Variants in C5AR2 observed in about 807,000 individuals in gnomAD.
C5AR2 encodes the protein complement C5a receptor 2.
For synonymous variants in C5AR2, 224 were observed against 216.5 expected, an observed-to-expected ratio of 1.03 and a Z score of -0.30; for missense variants, 458 against 467.5, an observed-to-expected ratio of 0.98 and a Z score of 0.19.
rs369814778 is a variant in C5AR2, at chr19:47,345,471, T to C, written c.*3658T>C. On this transcript the variant is annotated 3_prime_UTR_variant, in exon 2 of 2. Coordinates refer to ENST00000595464, the MANE Select transcript of C5AR2 (RefSeq NM_001271749.2). ...CCTCCGCCTCCCAGGTTCAAGCGATTCTCCTGCCTCAGCCTCCCCAGTAGC... is the reference window on the plus strand; with the variant it reads ...CCTCCGCCTCCCAGGTTCAAGCGATCCTCCTGCCTCAGCCTCCCCAGTAGC... 4.0e-5 allele frequency: 6 copies of C among 151,342 alleles called. No individual in the cohort carries two copies. Among genetic ancestry groups the C allele is most frequent in the African/African-American group, 1.5e-4 (6 of 40,942 alleles). 9.4% of individuals were successfully genotyped at this position (151,342 alleles called of 1,614,324 possible). A position where few individuals can be genotyped will look rare whatever the true frequency, so the allele number is the denominator to read the frequency against.
At position 47,344,600 on chromosome 19, in the gene C5AR2, A is replaced by G. The variant is rs1969092348; in HGVS notation, c.*2787A>G. ...TCCAATGCTCTTGCTCTTCATCATC[A>G]ATAATTTCCTTCAAGGCGTCCCTCA... On this transcript the variant is annotated 3_prime_UTR_variant, in exon 2 of 2. Transcript: ENST00000595464. 1 of 152,126 alleles carries G rather than the reference A, an allele frequency of 6.6e-6. No homozygotes were observed. Among genetic ancestry groups the G allele is most frequent in the South Asian group, 2.1e-4 (1 of 4,822 alleles). The allele number at this position is 152,126 out of a possible 1,614,324, so 9.4% of individuals were successfully genotyped here.
In C5AR2 at chr19:47,342,613, CCT is replaced by C. The variant is rs1969059426; in HGVS notation, c.*801_*802del. The C allele has an allele frequency of 3.3e-5, 5 of 151,848 alleles. No homozygotes were observed. Among genetic ancestry groups the C allele is most frequent in the African/African-American group, 1.2e-4 (5 of 41,360 alleles). 9.4% of individuals were successfully genotyped at this position (151,848 alleles called of 1,614,324 possible). A position where few individuals can be genotyped will look rare whatever the true frequency, so the allele number is the denominator to read the frequency against. On this transcript the variant is annotated 3_prime_UTR_variant, in exon 2 of 2. Coordinates refer to ENST00000595464, the MANE Select transcript of C5AR2 (RefSeq NM_001271749.2). ...AGCCAGGATGGTCTTGATCTCCTGACCTGGTGATCCACCCGCCTCAGCCTCCC... is the reference window on the plus strand; with the variant it reads ...AGCCAGGATGGTCTTGATCTCCTGACGGTGATCCACCCGCCTCAGCCTCCC...
Position 47,338,261 on chromosome 19 carries a change from C to T in C5AR2, c.-15-2524C>T, listed in dbSNP as rs961816122. On this transcript the variant is annotated intron_variant, in intron 1 of 1. Transcript: ENST00000595464. ...CTGCACTCCAGCGTTGGCAAGATGG[C>T]GAGACCCTGTCTCTAAAAAAAATAT... Among the ~76,000 whole-genome samples the T allele has an allele frequency of 9.0e-5, 8 of 88,496 alleles. No homozygotes were observed. In the East Asian group the frequency reaches 1.2e-3, roughly 14 times the overall value. 58.1% of individuals were successfully genotyped at this position (88,496 alleles called of 152,430 possible).
chr19:47,341,855 C>T lies in C5AR2; in HGVS notation c.*42C>T, dbSNP rs1969045119. On this transcript the variant is annotated 3_prime_UTR_variant, in exon 2 of 2. Coordinates refer to ENST00000595464, the MANE Select transcript of C5AR2 (RefSeq NM_001271749.2). This position sits in a 1 kb window ranked among gnomAD's most constrained non-coding sequence, Gnocchi z 4.6. The stretch of plus-strand genomic sequence containing the variant: ...GGGTGTGTATCTTCTTATCTCATTT[C>T]ACAAGACTGGCTTCAGGCATAGCTG... 4 of 1,572,494 alleles carry T rather than the reference C, an allele frequency of 2.5e-6. No individual in the cohort carries two copies. In the Admixed American group the frequency reaches 5.1e-5, roughly 20 times the overall value.
In C5AR2 at chr19:47,343,639, C is replaced by G. The variant is rs1969077261; in HGVS notation, c.*1826C>G. The G allele has an allele frequency of 6.6e-6, 1 of 152,016 alleles. No individual in the cohort carries two copies. The highest frequency in any genetic ancestry group is 2.4e-5 in the African/African-American group (1 of 41,392). 9.4% of individuals were successfully genotyped at this position (152,016 alleles called of 1,614,324 possible). ...TGGGCGACATAGCAAGACCCCATCT[C>G]TACAAAAAATACAAAAATTAGCCAG... On this transcript the variant is annotated 3_prime_UTR_variant, in exon 2 of 2. Coordinates refer to ENST00000595464, the MANE Select transcript of C5AR2 (RefSeq NM_001271749.2).
chr19:47,338,086 T>A (rs7256886), intron 1 of C5AR2, among the ~76,000 whole-genome samples: 4,310 of 148,924 alleles, frequency 0.029, 94 homozygotes, highest in African/African-American at 0.063. Flanking sequence ...AAAAAAAAAA[T>A]AAATAAAATA....
chr19:47,341,008 C>T lies in C5AR2; in HGVS notation c.209C>T (p.Ala70Val), dbSNP rs760573698. Residue 70 changes from alanine to valine, a missense_variant, in exon 2 of 2, where the codon GCC becomes GTC. By Grantham distance (64) the Ala-to-Val change is moderately conservative (BLOSUM62 0). Coordinates refer to ENST00000595464, the MANE Select transcript of C5AR2 (RefSeq NM_001271749.2). This position sits in a 1 kb window ranked among gnomAD's most constrained non-coding sequence, Gnocchi z 4.6. ...AGKVARRRVG[A>V]TWLLHLAVAD... ...AAGGTGGCCCGCCGGAGGGTGGGTG[C>T]CACCTGGTTGCTCCACCTGGCCGTG... 3.1e-6 allele frequency: 5 copies of T among 1,609,274 alleles called. No individual in the cohort carries two copies. In the South Asian group the frequency reaches 3.3e-5, roughly 11 times the overall value.
In C5AR2 at chr19:47,341,392, A is replaced by G. The variant is rs768954543; in HGVS notation, c.593A>G (p.Asn198Ser). The G allele has an allele frequency of 6.2e-7, 1 of 1,612,522 alleles. No individual in the cohort carries two copies. The highest frequency in any genetic ancestry group is 1.7e-5 in the Admixed American group (1 of 59,992). Residue 198 changes from asparagine (N) to serine (S), a missense_variant, in exon 2 of 2, where the codon AAT becomes AGT. Coordinates refer to ENST00000595464, the MANE Select transcript of C5AR2 (RefSeq NM_001271749.2). The surrounding 1 kb of genome is among the most constrained non-coding windows in gnomAD (Gnocchi z 4.6). ...VDYGGSSSTE[N>S]AVTAIRFLFG... is the part of the protein sequence containing the mutation. ...TACGGCGGCTCCTCCAGCACCGAGA[A>G]TGCGGTGACTGCCATCCGGTTTCTT...
At chr19:47,332,446 C>G (rs2059343341) in intron 1 of C5AR2, 97 bp downstream of exon 1, 1 of 152,246 alleles carries the variant, frequency 6.6e-6, no homozygotes, top group Admixed American at 6.6e-5. Context: ...GGAAGCAGAA[C>G]TAGAGTTTGA....
At chr19:47,333,839 A>G (rs1241187905) in intron 1 of C5AR2, among the ~76,000 whole-genome samples, 1 of 152,140 alleles carries the variant, frequency 6.6e-6, no homozygotes, top group East Asian at 1.9e-4. Context: ...TGGGCCTCCC[A>G]AAGTGCCGGG....
At chr19:47,336,488 CCTTTCTTTCTTT>C (rs555090973) in intron 1 of C5AR2, among the ~76,000 whole-genome samples, 3 of 16,534 alleles carry the variant, frequency 1.8e-4, no homozygotes, top group East Asian at 2.7e-3. Context: ...TTCCTTCCTT[CCTTTCTTTCTTT>C]CTTTCTTTCT....
chr19:47,341,066 C>T lies in C5AR2; in HGVS notation c.267C>T (p.Ile89=), dbSNP rs150649665. Residue 89 remains isoleucine, a synonymous_variant, in exon 2 of 2, where the codon ATC becomes ATT. Coordinates refer to ENST00000595464, the MANE Select transcript of C5AR2 (RefSeq NM_001271749.2). This position sits in a 1 kb window ranked among gnomAD's most constrained non-coding sequence, Gnocchi z 4.6. Reference sequence around the variant, plus strand: ...TGCTGTGCTGTTTGTCTCTGCCCATCCTGGCAGTGCCCATTGCCCGTGGAG... The same window carrying T: ...TGCTGTGCTGTTTGTCTCTGCCCATTCTGGCAGTGCCCATTGCCCGTGGAG... ...ADLLCCLSLP[I]LAVPIARGGH... is the part of the protein sequence containing the mutation. 3.7e-6 allele frequency: 6 copies of T among 1,605,876 alleles called. No homozygotes were observed. The South Asian group carries it at 4.4e-5, about 12-fold the overall frequency.
rs765955522 is a variant in C5AR2 at position 47,341,312 on chromosome 19, C to G, written c.513C>G (p.Ile171Met). 2 of 1,610,138 alleles carry G rather than the reference C, an allele frequency of 1.2e-6. No homozygotes were observed. Among genetic ancestry groups the G allele is most frequent in the South Asian group, 2.2e-5 (2 of 91,074 alleles). ...TGCTGCTCACCGTGCCCTCCGCCAT[C>G]TACCGCCGGCTGCACCAGGAGCACT... ...LALLLTVPSA[I>M]YRRLHQEHFP... The change falls in exon 2 of 2, where the codon ATC becomes ATG. Residue 171 changes from isoleucine to methionine, a missense_variant. Coordinates refer to ENST00000595464, the MANE Select transcript of C5AR2 (RefSeq NM_001271749.2). The surrounding 1 kb of genome is among the most constrained non-coding windows in gnomAD (Gnocchi z 4.6).
chr19:47,335,051 AT>A (rs2059352281), intron 1 of C5AR2, among the ~76,000 whole-genome samples: 4 of 24,906 alleles, frequency 1.6e-4, no homozygotes, highest in Middle Eastern at 0.012. Flanking sequence ...CGCCCAGCTA[AT>A]TTTTTTTTTT....
In C5AR2 at chr19:47,343,636, T is replaced by C. The variant is rs1969077197; in HGVS notation, c.*1823T>C. The C allele has an allele frequency of 6.6e-6, 1 of 152,030 alleles. No individual in the cohort carries two copies. The highest frequency in any genetic ancestry group is 2.4e-5 in the African/African-American group (1 of 41,400). 9.4% of individuals were successfully genotyped at this position (152,030 alleles called of 1,614,324 possible). On this transcript the variant is annotated 3_prime_UTR_variant, in exon 2 of 2. Coordinates refer to ENST00000595464, the MANE Select transcript of C5AR2 (RefSeq NM_001271749.2). ...GCCTGGGCGACATAGCAAGACCCCA[T>C]CTCTACAAAAAATACAAAAATTAGC...
chr19:47,341,297 C>A lies in C5AR2; in HGVS notation c.498C>A (p.Thr166=). ...GAAWTLALLL[T]VPSAIYRRLH... ...CCTGGACACTGGCCTTGCTGCTCACCGTGCCCTCCGCCATCTACCGCCGGC... is the reference window on the plus strand; with the variant it reads ...CCTGGACACTGGCCTTGCTGCTCACAGTGCCCTCCGCCATCTACCGCCGGC... The change falls in exon 2 of 2, where the codon ACC becomes ACA. Residue 166 remains threonine (T), a synonymous_variant. Coordinates refer to ENST00000595464, the MANE Select transcript of C5AR2 (RefSeq NM_001271749.2). The surrounding 1 kb of genome is among the most constrained non-coding windows in gnomAD (Gnocchi z 4.6). 1 of 1,608,390 alleles carries A rather than the reference C, an allele frequency of 6.2e-7. No individual in the cohort carries two copies. Among genetic ancestry groups the A allele is most frequent in the Non-Finnish European group, 8.5e-7 (1 of 1,179,884 alleles).
At chr19:47,334,849 A>G (rs968513308) in intron 1 of C5AR2, among the ~76,000 whole-genome samples, 13 of 149,968 alleles carry the variant, frequency 8.7e-5, no homozygotes, top group African/African-American at 3.2e-4. Flanking sequence ...GAACATTTAC[A>G]TTACCCAACA....
chr19:47,340,615 G>C (rs1725792181), intron 1 of C5AR2, among the ~76,000 whole-genome samples, 170 bp from the exon 2 acceptor site: 1 of 152,136 alleles, frequency 6.6e-6, no homozygotes, highest in Non-Finnish European at 1.5e-5. Context: ...GATTACAGGT[G>C]TGAGCCACCA....
At chr19:47,335,805 A>AAAAAAAAAAAAC in intron 1 of C5AR2, among the ~76,000 whole-genome samples, 1 of 132,222 alleles carries the variant, frequency 7.6e-6, no homozygotes, top group Non-Finnish European at 1.6e-5. Context: ...AAAAAAAAGA[A>AAAAAAAAAAAAC]AGTTTTCGTT....
Sources: allele counts gnomAD v4.1 joint callset (sites outside exome capture counted in the v4.1 genomes callset), GRCh38; gene constraint gnomAD v4.1.1; non-coding constraint Gnocchi (gnomAD v3.1); transcripts MANE v1.5; gene names NCBI Gene and HGNC (gene_info 2026-07-23, HGNC 2026-07-21).